The following RFC3 variants were observed in gnomAD, a reference collection of about 807,000 sequenced individuals.
RFC3 encodes the protein replication factor C subunit 3, also known as A1 38 kDa subunit.
Under a neutral mutation model 45.1 loss-of-function variants are expected in RFC3, and 41 were observed. The observed-to-expected ratio is 0.91, with a 90% CI of 0.71 to 1.18. RFC3 has a LOEUF of 1.18. RFC3 is among the 50% of genes most tolerant of loss of function. The probability of loss-of-function intolerance (pLI) is 0.00; values close to 1 mark genes in which losing one functional copy is unlikely to be tolerated. For missense variants in RFC3, 423 were observed against 428.1 expected (o/e 0.99, Z 0.10); for synonymous variants, 149 against 144.0 (o/e 1.03, Z -0.25).
At chr13:33,829,527 T>C in intron 4 of RFC3, 1 of 273,408 alleles carries the variant, frequency 3.7e-6, no homozygotes, top group South Asian at 5.5e-5. Flanking sequence ...GATTCTTTTC[T>C]TTTTTTTACT....
chr13:33,858,666 G>A (rs890256704), intron 8 of RFC3, among the ~76,000 whole-genome samples: 3 of 152,170 alleles, frequency 2.0e-5, no homozygotes, highest in African/African-American at 7.2e-5. Flanking sequence ...CATACCTACG[G>A]TTGGAGAACA....
rs143705540 is a variant in RFC3 at position 33,960,306 on chromosome 13, G to C, written c.880-5781G>C. Reference sequence around the variant, plus strand: ...AGATCTGGTCTTCAGGCCGGTCTCTGAACCTGAACAGATATATGGCCTTGG... The same window carrying C: ...AGATCTGGTCTTCAGGCCGGTCTCTCAACCTGAACAGATATATGGCCTTGG... On this transcript the variant is annotated intron_variant, in intron 8 of 8. Transcript: ENST00000434425. Among the ~76,000 whole-genome samples, 750 of 152,282 alleles carry C rather than the reference G, an allele frequency of 4.9e-3. 7 individuals carry two copies. The highest frequency in any genetic ancestry group is 0.017 in the African/African-American group (703 of 41,566).
intron 8 of RFC3, among the ~76,000 whole-genome samples, chr13:33,926,410 A>G (rs116076993): frequency 0.023 from 3,527 of 152,212 alleles, 116 homozygotes; most frequent in African/African-American, 0.081. Flanking sequence ...ATTCGTCATA[A>G]CAAATGTCGG....
intron 8 of RFC3, among the ~76,000 whole-genome samples, chr13:33,890,483 G>A (rs115564456): frequency 1.6e-4 from 24 of 152,228 alleles, no homozygotes; most frequent in African/African-American, 4.8e-4. Flanking sequence ...GGATGCCATC[G>A]TATTGACCCA....
intron 3 of RFC3, among the ~76,000 whole-genome samples, chr13:33,825,013 C>CTTGT (rs2082036307): frequency 6.6e-6 from 1 of 152,236 alleles, no homozygotes; most frequent in African/African-American, 2.4e-5. Context: ...AACTTAGTGG[C>CTTGT]TCTTTGAGAA....
intron 7 of RFC3, among the ~76,000 whole-genome samples, chr13:33,834,329 T>TATATATATATACACACATAC (rs1300798923): frequency 4.8e-5 from 6 of 125,084 alleles, no homozygotes; most frequent in African/African-American, 1.4e-4. Context: ...TATATATATA[T>TATATATATATACACACATAC]ATCTGTACTG....
Position 33,836,905 on chromosome 13 carries a change from T to C in RFC3, c.*610T>C, listed in dbSNP as rs560488576. On this transcript the variant is annotated 3_prime_UTR_variant, in exon 9 of 9. Coordinates refer to ENST00000380071, the MANE Select transcript of RFC3 (RefSeq NM_002915.4). ...GCATGTTTTCACTAATTTAAGTACT[T>C]GAGACTCTTGAAGAAAATTCAGAAT... The C allele has an allele frequency of 8.8e-5, 87 of 983,804 alleles. No individual in the cohort carries two copies. Among genetic ancestry groups the C allele is most frequent in the Non-Finnish European group, 1.0e-4 (86 of 828,620 alleles). The allele number at this position is 983,804 out of a possible 1,614,324, so 60.9% of individuals were successfully genotyped here.
At position 33,835,198 on chromosome 13, in the gene RFC3, C is replaced by G; in HGVS notation, c.860C>G (p.Pro287Arg). Residue 287 changes from proline to arginine, a missense_variant, in exon 8 of 9, where the codon CCT becomes CGT. Transcript: ENST00000380071. ...TATGAGCTTCTAACTCATTGTATTC[C>G]TCCTGAGATAATAATGAAGGTAACC... Reference protein sequence around the residue: ...RLYELLTHCIPPEIIMKGLLS... With the variant: ...RLYELLTHCIRPEIIMKGLLS... 6.2e-7 allele frequency: 1 copy of G among 1,608,972 alleles called. No individual in the cohort carries two copies. Among genetic ancestry groups the G allele is most frequent in the Non-Finnish European group, 8.5e-7 (1 of 1,175,658 alleles).
chr13:33,859,495 T>TA (rs566978228), intron 8 of RFC3, among the ~76,000 whole-genome samples: 9 of 152,258 alleles, frequency 5.9e-5, no homozygotes, highest in African/African-American at 2.2e-4. Flanking sequence ...GAACAGTATA[T>TA]AAAAGTGACT....
At chr13:33,903,017 C>T (rs6562176) in intron 8 of RFC3, among the ~76,000 whole-genome samples, 2 of 151,976 alleles carry the variant, frequency 1.3e-5, no homozygotes, top group South Asian at 2.1e-4. Context: ...GTGGCCTGTG[C>T]GCCACCAGTT....
At chr13:33,966,125 A>T in exon 9 of RFC3, 1 of 1,609,110 alleles carries the variant, frequency 6.2e-7, no homozygotes, top group Middle Eastern at 1.7e-4. Flanking sequence ...ACATATTCTG[A>T]GGACCTCCAA....
At chr13:33,914,951 C>A (rs534373279) in intron 8 of RFC3, among the ~76,000 whole-genome samples, 1 of 152,214 alleles carries the variant, frequency 6.6e-6, no homozygotes, top group Admixed American at 6.5e-5. Context: ...CAGTCTTCAA[C>A]AACTCATTTT....
At chr13:33,839,671 T>A (rs977464137), downstream of RFC3, among the ~76,000 whole-genome samples, 1 of 152,328 alleles carries the variant, frequency 6.6e-6, no homozygotes, top group South Asian at 2.1e-4. Context: ...TTTCCATTAG[T>A]AGAAGTAGCC....
At chr13:33,916,983 C>G (rs1206475363) in intron 8 of RFC3, among the ~76,000 whole-genome samples, 3 of 152,098 alleles carry the variant, frequency 2.0e-5, no homozygotes, top group Admixed American at 6.6e-5. Context: ...GATGCAATTT[C>G]TAAATGAGTG....
chr13:33,872,763 A>T (rs931098568), intron 8 of RFC3, among the ~76,000 whole-genome samples: 1 of 148,996 alleles, frequency 6.7e-6, no homozygotes, highest in Admixed American at 6.9e-5. Flanking sequence ...AATGAAAAAC[A>T]AAACAGAACA....
Position 33,836,661 on chromosome 13 carries a change from A to T in RFC3, c.*366A>T. 1 of 991,728 alleles carries T rather than the reference A, an allele frequency of 1.0e-6. No homozygotes were observed. Among genetic ancestry groups the T allele is most frequent in the Non-Finnish European group, 1.2e-6 (1 of 833,938 alleles). The allele number at this position is 991,728 out of a possible 1,614,324, so 61.4% of individuals were successfully genotyped here. A position where few individuals can be genotyped will look rare whatever the true frequency, so the allele number is the denominator to read the frequency against. ...ATTATTTTCATTTATCCAGATGACC[A>T]TTTTCTGCCACAGGTAACATGATTG... is the stretch of plus-strand genomic sequence containing the variant. On this transcript the variant is annotated 3_prime_UTR_variant, in exon 9 of 9. Coordinates refer to ENST00000380071, the MANE Select transcript of RFC3 (RefSeq NM_002915.4).
At chr13:33,926,866 T>C (rs967159168) in intron 8 of RFC3, among the ~76,000 whole-genome samples, 2 of 150,880 alleles carry the variant, frequency 1.3e-5, no homozygotes, top group Admixed American at 6.6e-5. Flanking sequence ...TTCAAAGCTC[T>C]GTATTAATTA....
chr13:33,954,471 A>T (rs559216368), intron 8 of RFC3, among the ~76,000 whole-genome samples: 1 of 152,346 alleles, frequency 6.6e-6, no homozygotes, highest in South Asian at 2.1e-4. Context: ...TCAGGCCATT[A>T]TGTGCAAAAT....
At position 33,831,355 on chromosome 13, in the gene RFC3, G is replaced by T; in HGVS notation, c.809+1G>T. 1.3e-6 allele frequency: 2 copies of T among 1,536,146 alleles called. No homozygotes were observed. Among genetic ancestry groups the T allele is most frequent in the East Asian group, 2.2e-5 (1 of 44,502 alleles). ...TTGTCAGTCAGCAAACTCCACAAAG[G>T]TACCAGTATAAAATGATGACAGTAA... On this transcript the variant is annotated splice_donor_variant, in intron 7 of 8. Coordinates refer to ENST00000380071, the MANE Select transcript of RFC3 (RefSeq NM_002915.4). LOFTEE classifies it high-confidence loss of function.
Sources: allele counts gnomAD v4.1 joint callset (sites outside exome capture counted in the v4.1 genomes callset), GRCh38; gene constraint gnomAD v4.1.1; transcripts MANE v1.5; gene names NCBI Gene and HGNC (gene_info 2026-07-23, HGNC 2026-07-21).